The following CAMK2A variants were observed in gnomAD, a reference collection of about 807,000 sequenced individuals.
CAMK2A encodes calcium/calmodulin-dependent protein kinase type II subunit alpha.
CAMK2A carries 7 observed loss-of-function variants against 79.2 expected under a neutral mutation model. The ratio of observed to expected loss-of-function variants is 0.09; its 90% CI spans 0.05 to 0.17. The LOEUF is 0.17. Ranked by LOEUF, CAMK2A falls within the 10% of genes least tolerant of loss-of-function variation. The pLI, the probability that CAMK2A is intolerant of heterozygous loss-of-function variation, is 1.00. For synonymous variants in CAMK2A, 242 were observed against 251.7 expected, an observed-to-expected ratio of 0.96 and a Z score of 0.36; for missense variants, 214 against 646.4, an observed-to-expected ratio of 0.33 and a Z score of 7.25.
At chr5:150,235,387 C>T (rs1278694785) in intron 15 of CAMK2A, among the ~76,000 whole-genome samples, 1 of 152,230 alleles carries the variant, frequency 6.6e-6, no homozygotes, top group African/African-American at 2.4e-5. Context: ...AACCACTGGC[C>T]TTTCTCATCT....
In CAMK2A at chr5:150,284,328, G is replaced by A. The variant is rs1019815386; in HGVS notation, c.62+5236C>T. Among the ~76,000 whole-genome samples, 6 of 152,176 alleles carry A rather than the reference G, an allele frequency of 3.9e-5. No homozygotes were observed. The highest frequency in any genetic ancestry group is 3.9e-4 in the East Asian group (2 of 5,194). ...TGTCCATGTGCATGTGTGTGCTCCC[G>A]TGAGCTGTGTGAAGACGCATGTGTG... On this transcript the variant is annotated intron_variant, in intron 1 of 18. Coordinates refer to ENST00000671881, the MANE Select transcript of CAMK2A (RefSeq NM_015981.4). This position sits in a 1 kb window ranked among gnomAD's most constrained non-coding sequence, Gnocchi z 5.3.
intron 13 of CAMK2A, among the ~76,000 whole-genome samples, chr5:150,243,957 C>T (rs1057379963): frequency 2.6e-5 from 4 of 152,196 alleles, no homozygotes; most frequent in East Asian, 3.8e-4. Context: ...GCACCCCATC[C>T]GCTGCCAGAG....
chr5:150,258,390 A>C (rs1756151648), intron 3 of CAMK2A, among the ~76,000 whole-genome samples: 1 of 152,204 alleles, frequency 6.6e-6, no homozygotes, highest in Non-Finnish European at 1.5e-5. Flanking sequence ...CAGCCTAAAA[A>C]TGTCCATGCA....
At position 150,223,165 on chromosome 5, in the gene CAMK2A, G is replaced by A. The variant is rs1262483732; in HGVS notation, c.1290C>T (p.Ile430=). The A allele has an allele frequency of 1.9e-6, 3 of 1,614,028 alleles. No homozygotes were observed. The highest frequency in any genetic ancestry group is 2.2e-5 in the East Asian group (1 of 44,892). Residue 430 remains isoleucine (I), a synonymous_variant, in exon 18 of 19, where the codon ATC becomes ATT. Transcript: ENST00000671881. The surrounding 1 kb of genome is among the most constrained non-coding windows in gnomAD (Gnocchi z 4.1). ...AGGCTGACTCGTCGCCCATCAGGTG[G>A]ATGTGGGGATTCAGGATGGTGGTGT... is the stretch of plus-strand genomic sequence containing the variant. The part of the protein sequence containing the change: ...PVHTTILNPH[I]HLMGDESACI...
intron 16 of CAMK2A, among the ~76,000 whole-genome samples, chr5:150,230,179 G>A (rs1034538045): frequency 3.3e-5 from 5 of 151,998 alleles, no homozygotes; most frequent in African/African-American, 1.2e-4. Flanking sequence ...TTAGCTGGGC[G>A]TGGTGGCGTG....
chr5:150,244,816 C>T (rs1324004629), intron 13 of CAMK2A, among the ~76,000 whole-genome samples: 1 of 152,180 alleles, frequency 6.6e-6, no homozygotes, highest in African/African-American at 2.4e-5. Flanking sequence ...CATTTCTGTC[C>T]TCTCCTTGCA....
chr5:150,247,809 G>A lies in CAMK2A; in HGVS notation c.906C>T (p.Ala302=). 6.2e-7 allele frequency: 1 copy of A among 1,612,820 alleles called. No individual in the cohort carries two copies. The highest frequency in any genetic ancestry group is 8.5e-7 in the Non-Finnish European group (1 of 1,179,568). ...KFNARRKLKG[A]ILTTMLATRN... is the part of the protein sequence containing the mutation. ...TGGTGGCCAGCATCGTGGTGAGAAT[G>A]GCTCCCTGCAAGACATAAGAAGAGG... The change falls in exon 12 of 19, where the codon GCC becomes GCT. Residue 302 remains alanine, a synonymous_variant. Transcript: ENST00000671881.
chr5:150,258,260 C>T (rs1272806265), intron 3 of CAMK2A, among the ~76,000 whole-genome samples: 1 of 152,238 alleles, frequency 6.6e-6, no homozygotes, highest in Non-Finnish European at 1.5e-5. Flanking sequence ...CCAGGGCTCC[C>T]AGCATGCACC....
chr5:150,249,571 CAG>C (rs1755736292), intron 11 of CAMK2A, among the ~76,000 whole-genome samples: 1 of 149,410 alleles, frequency 6.7e-6, no homozygotes, highest in African/African-American at 2.5e-5. Context: ...TTTTTTGAGA[CAG>C]AGTCTCTCTC....
Position 150,251,970 on chromosome 5 carries a change from G to A in CAMK2A, c.598+12C>T. 1.2e-6 allele frequency: 2 copies of A among 1,612,406 alleles called. No homozygotes were observed. The highest frequency in any genetic ancestry group is 1.3e-5 in the African/African-American group (1 of 75,018). ...CAGCCAGGGGCACAAAAGGGCCTTA[G>A]GATGAACTCACCACAAGCCCACAGG... On this transcript the variant is annotated intron_variant, in intron 8 of 18. Transcript: ENST00000671881.
At chr5:150,281,630 G>A (rs750818845) in intron 1 of CAMK2A, among the ~76,000 whole-genome samples, 1 of 152,240 alleles carries the variant, frequency 6.6e-6, no homozygotes, top group Non-Finnish European at 1.5e-5. Flanking sequence ...AGGTTAGAGG[G>A]GGTCCGACCT....
In CAMK2A at chr5:150,256,841, C is replaced by G; in HGVS notation, c.273-10G>C. On this transcript the variant is annotated splice_polypyrimidine_tract_variant and intron_variant, in intron 4 of 18. Transcript: ENST00000671881. The surrounding 1 kb of genome is among the most constrained non-coding windows in gnomAD (Gnocchi z 4.6). ...TTCCCCACCAGTGACCCTGGGGAGA[C>G]AGGCATGGAATCACCCTCTAATAGA... is the stretch of plus-strand genomic sequence containing the variant. 3.1e-6 allele frequency: 5 copies of G among 1,612,364 alleles called. No homozygotes were observed. Among genetic ancestry groups the G allele is most frequent in the South Asian group, 1.1e-5 (1 of 90,908 alleles).
intron 2 of CAMK2A, among the ~76,000 whole-genome samples, chr5:150,266,789 C>T (rs923319538): frequency 2.6e-5 from 4 of 151,762 alleles, no homozygotes; most frequent in Non-Finnish European, 5.9e-5. Flanking sequence ...GAAGGAAACT[C>T]ATGCCAACAC....
At chr5:150,251,875 C>G (rs1195743470) in intron 8 of CAMK2A, 31 bp from the exon 9 acceptor site, 44 of 1,578,402 alleles carry the variant, frequency 2.8e-5, no homozygotes, top group African/African-American at 4.1e-5. Context: ...CCTTCAACCC[C>G]CTGTGGGGAG....
intron 1 of CAMK2A, among the ~76,000 whole-genome samples, chr5:150,275,339 T>G (rs143356340): frequency 1.7e-4 from 26 of 152,272 alleles, no homozygotes; most frequent in Non-Finnish European, 2.9e-4. Context: ...AATTCACTTT[T>G]CTTCCATCAT....
Position 150,223,016 on chromosome 5 carries a change from C to G in CAMK2A, c.1439G>C (p.Arg480Thr). ...DGKWQIVHFH[R>T]SGAPSVLPH is the part of the protein sequence containing the mutation. ...GGGCAGGACGGAGGGCGCCCCAGAT[C>G]TGTGGAAGTGGACGATCTGCCATTT... Residue 480 changes from arginine (R) to threonine (T), a missense_variant, in exon 18 of 19, where the codon AGA (arginine) becomes ACA (threonine). This residue lies in a region of CAMK2A where 123 missense variants were observed against 242.4 expected (regional missense o/e 0.51). Coordinates refer to ENST00000671881, the MANE Select transcript of CAMK2A (RefSeq NM_015981.4). This position sits in a 1 kb window ranked among gnomAD's most constrained non-coding sequence, Gnocchi z 4.1. 6.2e-7 allele frequency: 1 copy of G among 1,614,204 alleles called. No homozygotes were observed. Among genetic ancestry groups the G allele is most frequent in the Non-Finnish European group, 8.5e-7 (1 of 1,180,036 alleles).
At chr5:150,268,503 T>A (rs1334942006) in intron 2 of CAMK2A, among the ~76,000 whole-genome samples, 1 of 152,192 alleles carries the variant, frequency 6.6e-6, no homozygotes, top group Non-Finnish European at 1.5e-5. Context: ...CACGTCCCCA[T>A]ACCCTGTCTT....
At chr5:150,247,135 C>G (rs1755606661) in intron 12 of CAMK2A, among the ~76,000 whole-genome samples, 1 of 152,270 alleles carries the variant, frequency 6.6e-6, no homozygotes, top group Admixed American at 6.5e-5. Flanking sequence ...CCTTAACCAG[C>G]CCAGTTTGGC....
intron 14 of CAMK2A, among the ~76,000 whole-genome samples, 158 bp from the exon 15 acceptor site, chr5:150,238,906 A>G (rs1311197888): frequency 6.6e-6 from 1 of 152,172 alleles, no homozygotes; most frequent in Non-Finnish European, 1.5e-5. Flanking sequence ...CTCCAGCCTC[A>G]AGACGGGGAG....
Sources: gnomAD v4.1 joint callset for allele counts (sites outside exome capture counted in the v4.1 genomes callset) on GRCh38, gnomAD v4.1.1 for gene constraint, gnomAD v4.1.1 regional missense constraint, Gnocchi (gnomAD v3.1) non-coding constraint, MANE v1.5 for transcripts, NCBI Gene and HGNC (gene_info 2026-07-23, HGNC 2026-07-21) for gene names.